Variants in STAU2 observed in about 807,000 individuals in gnomAD.
STAU2 encodes staufen double-stranded RNA binding protein 2, also known as double-stranded RNA-binding protein Staufen homolog 2.
STAU2 carries 20 observed loss-of-function variants against 65.9 expected under a neutral mutation model. That is an observed-to-expected ratio of 0.30 (90% CI 0.21 to 0.44). The LOEUF is 0.44. Ranked by LOEUF, STAU2 falls within the 20% of genes least tolerant of loss-of-function variation. The pLI, the probability that STAU2 is intolerant of heterozygous loss-of-function variation, is 1.00. For synonymous variants in STAU2, 232 were observed against 233.9 expected (o/e 0.99, Z 0.07); for missense variants, 558 against 683.9 (o/e 0.82, Z 2.05).
intron 13 of STAU2, among the ~76,000 whole-genome samples, chr8:73,494,174 A>G (rs748252382): frequency 7.2e-5 from 11 of 151,756 alleles, no homozygotes; most frequent in African/African-American, 9.7e-5. Flanking sequence ...GTTTATCTCA[A>G]AAGAAAAAAG....
chr8:73,575,939 A>G (rs903948389), intron 12 of STAU2, among the ~76,000 whole-genome samples: 2 of 152,168 alleles, frequency 1.3e-5, no homozygotes, highest in African/African-American at 4.8e-5. Context: ...CCCAGTAAAA[A>G]TAGAAAATGA....
At chr8:73,646,031 G>A (rs1274133938) in intron 6 of STAU2, among the ~76,000 whole-genome samples, 2 of 152,078 alleles carry the variant, frequency 1.3e-5, no homozygotes, top group East Asian at 1.9e-4. Flanking sequence ...TGAAAGGCAA[G>A]CAGATCAGAA....
At chr8:73,701,997 T>C (rs1019230857) in intron 4 of STAU2, among the ~76,000 whole-genome samples, 2 of 152,174 alleles carry the variant, frequency 1.3e-5, no homozygotes, top group African/African-American at 2.4e-5. Flanking sequence ...CATCACATGT[T>C]GTCACTTATT....
chr8:73,462,475 A>C (rs1819416152), intron 13 of STAU2, among the ~76,000 whole-genome samples: 1 of 151,802 alleles, frequency 6.6e-6, no homozygotes, highest in South Asian at 2.1e-4. Flanking sequence ...GGCCCACTGC[A>C]ACCTCCCCCT....
intron 13 of STAU2, chr8:73,550,667 T>C (rs1807268428): frequency 5.5e-5 from 54 of 983,494 alleles, no homozygotes; most frequent in Non-Finnish European, 6.4e-5. Context: ...CAGTGATTTA[T>C]TGTGTTTCTT....
intron 10 of STAU2, among the ~76,000 whole-genome samples, chr8:73,600,471 C>T (rs1811554552): frequency 6.6e-6 from 1 of 152,202 alleles, no homozygotes; most frequent in South Asian, 2.1e-4. Flanking sequence ...TGAATACACA[C>T]CACCTGCCGT....
chr8:73,482,924 G>A (rs940477668), intron 13 of STAU2, among the ~76,000 whole-genome samples: 1 of 152,078 alleles, frequency 6.6e-6, no homozygotes, highest in Non-Finnish European at 1.5e-5. Flanking sequence ...TTAATTGGTG[G>A]TTTTCTCTAT....
chr8:73,476,513 T>C (rs1466189270), intron 13 of STAU2, among the ~76,000 whole-genome samples: 4 of 152,250 alleles, frequency 2.6e-5, no homozygotes, highest in African/African-American at 4.8e-5. Context: ...TAATGTACTA[T>C]GACTTTGTAT....
rs755381051 is a variant in STAU2, at chr8:73,615,798, T to C, written c.571-16A>G. On this transcript the variant is annotated splice_polypyrimidine_tract_variant and intron_variant, in intron 7 of 14. Coordinates refer to ENST00000524300, the MANE Select transcript of STAU2 (RefSeq NM_001164380.2). ...ATTCACCATTCTAAATCACAAAAAA[T>C]AGGATAACACTGAATCTTGACATTA... 8 of 1,560,466 alleles carry C rather than the reference T, an allele frequency of 5.1e-6. No individual in the cohort carries two copies. The East Asian group carries it at 6.7e-5, about 13-fold the overall frequency.
At chr8:73,427,767 T>G (rs1482828249) in intron 13 of STAU2, among the ~76,000 whole-genome samples, 1 of 152,272 alleles carries the variant, frequency 6.6e-6, no homozygotes, top group East Asian at 1.9e-4. Context: ...TATTCCCATT[T>G]TCACGGAGTG....
chr8:73,652,736 A>AAC (rs1816002171), intron 6 of STAU2: 2 of 151,994 alleles, frequency 1.3e-5, no homozygotes, highest in Admixed American at 6.6e-5. Flanking sequence ...AAAAAAAAAA[A>AAC]AAACTGTTAT....
At chr8:73,424,108 A>G (rs565268565) in intron 13 of STAU2, among the ~76,000 whole-genome samples, 2 of 139,742 alleles carry the variant, frequency 1.4e-5, no homozygotes, top group African/African-American at 5.5e-5. Flanking sequence ...CCATCGCTAC[A>G]GTTTTGCCAT....
chr8:73,426,169 C>CT (rs60313895), intron 13 of STAU2, among the ~76,000 whole-genome samples: 26,660 of 147,502 alleles, frequency 0.18, 2,914 homozygotes, highest in East Asian at 0.39. Flanking sequence ...AGGTAACCTG[C>CT]TTTTTTTTTT....
At chr8:73,546,123 C>CTTTTTTTTTTTTT (rs71561528) in intron 13 of STAU2, among the ~76,000 whole-genome samples, 3 of 93,290 alleles carry the variant, frequency 3.2e-5, no homozygotes, top group Admixed American at 1.7e-4. Flanking sequence ...GTTTGGTTTT[C>CTTTTTTTTTTTTT]TTTTTTTTTT....
At chr8:73,562,824 A>T (rs181285030) in intron 12 of STAU2, among the ~76,000 whole-genome samples, 1 of 152,164 alleles carries the variant, frequency 6.6e-6, no homozygotes, top group Non-Finnish European at 1.5e-5. Flanking sequence ...ATAAATATTA[A>T]GTACTGGGCT....
At chr8:73,596,042 G>A (rs1307349785) in intron 10 of STAU2, among the ~76,000 whole-genome samples, 1 of 151,774 alleles carries the variant, frequency 6.6e-6, no homozygotes, top group Admixed American at 6.6e-5. Flanking sequence ...AACCCAGTAA[G>A]TAGAGGTTGC....
At chr8:73,480,283 G>A (rs13268841) in intron 13 of STAU2, among the ~76,000 whole-genome samples, 92,224 of 151,948 alleles carry the variant, frequency 0.61, 28,273 homozygotes, top group Admixed American at 0.68. Context: ...TTCTCTCTGA[G>A]ATACAATATT....
chr8:73,455,914 C>A (rs184129186), intron 13 of STAU2, among the ~76,000 whole-genome samples: 1 of 152,118 alleles, frequency 6.6e-6, no homozygotes, highest in African/African-American at 2.4e-5. Flanking sequence ...GATGGATGGA[C>A]GGACGGATGG....
intron 13 of STAU2, among the ~76,000 whole-genome samples, chr8:73,507,590 G>A (rs1220834637): frequency 1.3e-5 from 2 of 152,146 alleles, no homozygotes; most frequent in Admixed American, 1.3e-4. Context: ...TTTTCAGGAT[G>A]GGAAATGAGC....
Sources: allele counts gnomAD v4.1 joint callset (sites outside exome capture counted in the v4.1 genomes callset), GRCh38; gene constraint gnomAD v4.1.1; transcripts MANE v1.5; gene names NCBI Gene and HGNC (gene_info 2026-07-23, HGNC 2026-07-21).